The following DMD variants were observed in gnomAD, a reference collection of about 807,000 sequenced individuals.
DMD encodes the protein mutant dystrophin.
DMD carries 63 observed loss-of-function variants against 330.1 expected under a neutral mutation model. That is an observed-to-expected ratio of 0.19 (90% CI 0.16 to 0.24). DMD has a LOEUF of 0.24. DMD is among the 10% of genes least tolerant of loss of function. DMD has a pLI of 1.00. For missense variants in DMD, 3,344 were observed against 2,684.1 expected, an observed-to-expected ratio of 1.25 and a Z score of -5.43; for synonymous variants, 1,223 against 959.8, an observed-to-expected ratio of 1.27 and a Z score of -5.07.
intron 1 of DMD, among the ~76,000 whole-genome samples, chrX:33,180,150 T>G (rs766784389): frequency 3.6e-5 from 4 of 112,077 alleles, no homozygotes; most frequent in Admixed American, 9.4e-5. Flanking sequence ...AGTGCTATAT[T>G]GCTATTCCCT....
intron 50 of DMD, among the ~76,000 whole-genome samples, chrX:31,796,314 C>A (rs1446423850): frequency 8.9e-6 from 1 of 111,742 alleles, no homozygotes; most frequent in African/African-American, 3.3e-5. Context: ...TTAACAAGAT[C>A]GAAAGGATTG....
chrX:31,706,922 T>C (rs953678670), intron 52 of DMD, among the ~76,000 whole-genome samples: 5 of 112,105 alleles, frequency 4.5e-5, no homozygotes, highest in African/African-American at 1.3e-4. Context: ...AGATAAAGTA[T>C]GTTAAATTTT....
At chrX:32,788,067 A>G (rs1010838281) in intron 7 of DMD, among the ~76,000 whole-genome samples, 2 of 111,730 alleles carry the variant, frequency 1.8e-5, no homozygotes, top group Admixed American at 1.9e-4. Flanking sequence ...CCTAAAACTA[A>G]TAAAGGCAAA....
At chrX:32,755,490 G>A (rs911861476) in intron 7 of DMD, among the ~76,000 whole-genome samples, 1 of 111,635 alleles carries the variant, frequency 9.0e-6, no homozygotes, top group African/African-American at 3.3e-5. Flanking sequence ...AAAGTTCCCT[G>A]TGGGCAGGTA....
intron 7 of DMD, among the ~76,000 whole-genome samples, chrX:32,787,648 T>C (rs2075500156): frequency 9.0e-6 from 1 of 111,157 alleles, no homozygotes; most frequent in Admixed American, 9.6e-5. Context: ...ATTATAGCAA[T>C]ATGCAGTAAT....
chrX:31,351,513 G>C (rs2058410086), intron 60 of DMD, among the ~76,000 whole-genome samples: 2 of 109,625 alleles, frequency 1.8e-5, no homozygotes, highest in African/African-American at 6.7e-5. Flanking sequence ...ATCACTTGAG[G>C]TCAGGAGTTC....
At chrX:31,503,328 T>C (rs1024725243) in intron 56 of DMD, among the ~76,000 whole-genome samples, 7 of 112,092 alleles carry the variant, frequency 6.2e-5, no homozygotes, top group African/African-American at 2.3e-4. Flanking sequence ...CTGTCCATAT[T>C]TCTGGTCAAA....
intron 1 of DMD, among the ~76,000 whole-genome samples, chrX:33,185,962 A>G (rs750249703): frequency 8.9e-6 from 1 of 112,005 alleles, no homozygotes; most frequent in Non-Finnish European, 1.9e-5. Context: ...TATGCATTAC[A>G]TTGAGAAACT....
At chrX:33,035,526 G>T (rs12391250) in intron 1 of DMD, among the ~76,000 whole-genome samples, 1,563 of 111,785 alleles carry the variant, frequency 0.014, 10 homozygotes, top group Non-Finnish European at 0.022. Context: ...TCTGAAAAGA[G>T]CCCAGCCTTT....
rs943678192 is a variant in DMD, at chrX:32,347,116, G to A, written c.5449-1036C>T. Among the ~76,000 whole-genome samples the A allele has an allele frequency of 2.7e-5, 3 of 111,177 alleles. No individual in the cohort carries two copies. The South Asian group carries it at 1.1e-3, about 41-fold the overall frequency. ...CTGATTCATTTTGTATGGGGGAAAG[G>A]GATTATTTTTGTCAGAGACTGGTCA... is the stretch of plus-strand genomic sequence containing the variant. On this transcript the variant is annotated intron_variant, in intron 38 of 78. Transcript: ENST00000357033.
At chrX:31,949,720 AT>A (rs1238460322) in intron 45 of DMD, among the ~76,000 whole-genome samples, 1 of 110,202 alleles carries the variant, frequency 9.1e-6, no homozygotes, top group Non-Finnish European at 1.9e-5. Flanking sequence ...TCATATGTCT[AT>A]TTTTTTCTTG....
At chrX:32,283,445 T>C (rs1341191496) in intron 43 of DMD, among the ~76,000 whole-genome samples, 1 of 112,134 alleles carries the variant, frequency 8.9e-6, no homozygotes, top group Non-Finnish European at 1.9e-5. Flanking sequence ...AGCAGATTTT[T>C]GTTGAGAACA....
chrX:32,560,513 C>A (rs914659921), intron 16 of DMD, among the ~76,000 whole-genome samples: 2 of 110,300 alleles, frequency 1.8e-5, no homozygotes, highest in Non-Finnish European at 3.8e-5. Flanking sequence ...ATGTGTGCCA[C>A]GGTGGTATGG....
intron 2 of DMD, among the ~76,000 whole-genome samples, chrX:32,870,167 T>C (rs1363530755): frequency 8.9e-6 from 1 of 111,813 alleles, no homozygotes; most frequent in African/African-American, 3.3e-5. Context: ...AGCCAAATCA[T>C]GTATGAACTC....
At chrX:31,146,439 ATTAC>A in intron 75 of DMD, 25 bp from the exon 76 acceptor site, 1 of 1,195,142 alleles carries the variant, frequency 8.4e-7, no homozygotes, top group Non-Finnish European at 1.1e-6. Context: ...AGAAAACAGA[ATTAC>A]TTTTCATAAT....
chrX:32,408,093 T>A (rs1450164504), intron 30 of DMD, among the ~76,000 whole-genome samples: 1 of 110,601 alleles, frequency 9.0e-6, no homozygotes, highest in African/African-American at 3.3e-5. Flanking sequence ...CTGCACGTTG[T>A]GCACATGTAC....
chrX:32,314,788 A>G (rs766652812), intron 41 of DMD, among the ~76,000 whole-genome samples: 2 of 111,991 alleles, frequency 1.8e-5, no homozygotes, highest in South Asian at 3.7e-4. Context: ...TAAGAAAAAA[A>G]CCTCATCATC....
At chrX:31,686,138 C>A (rs2082672965) in intron 52 of DMD, among the ~76,000 whole-genome samples, 1 of 111,882 alleles carries the variant, frequency 8.9e-6, no homozygotes, top group South Asian at 3.7e-4. Flanking sequence ...TCTGGCAAAG[C>A]GGAAGAAGCT....
At chrX:32,628,148 A>G (rs957608257) in intron 11 of DMD, among the ~76,000 whole-genome samples, 2 of 107,951 alleles carry the variant, frequency 1.9e-5, no homozygotes, top group South Asian at 4.1e-4. Context: ...CATTCAATCT[A>G]ACTATATTTT....
Sources: gnomAD v4.1 joint callset for allele counts (sites outside exome capture counted in the v4.1 genomes callset) on GRCh38, gnomAD v4.1.1 for gene constraint, MANE v1.5 for transcripts, NCBI Gene and HGNC (gene_info 2026-07-23, HGNC 2026-07-21) for gene names.